The following TBRG4 variants were observed in gnomAD, a reference collection of about 807,000 sequenced individuals.
TBRG4 encodes the protein transforming growth factor beta regulator 4.
TBRG4 carries 43 observed loss-of-function variants against 65.6 expected under a neutral mutation model. The ratio of observed to expected loss-of-function variants is 0.66; its 90% confidence interval spans 0.51 to 0.85. The LOEUF is 0.85. Among genes scored for constraint, TBRG4 ranks in the 40% least tolerant of loss-of-function variants. The pLI, the probability that TBRG4 is intolerant of heterozygous loss-of-function variation, is 0.00. For missense variants in TBRG4, 709 were observed against 787.9 expected (o/e 0.90, Z 1.20); for synonymous variants, 366 against 341.4 (o/e 1.07, Z -0.79).
At chr7:45,106,169 C>T in intron 2 of TBRG4, 1 of 441,760 alleles carries the variant, frequency 2.3e-6, no homozygotes. Flanking sequence ...GAGCCTGATC[C>T]TCTAGGCTAC....
In TBRG4 at chr7:45,102,062, A is replaced by T; in HGVS notation, c.1330T>A (p.Ser444Thr). Reference protein sequence around the residue: ...EFHIQFLGGKSQKDQNTFQKL... With the variant: ...EFHIQFLGGKTQKDQNTFQKL... ...TGGAAGGTGTTCTGATCCTTCTGAG[A>T]CTTGCCCCCTAGGAGACAAGGAGAA... The change falls in exon 8 of 11, where the codon TCT becomes ACT. Residue 444 changes from serine to threonine, a missense_variant. Coordinates refer to ENST00000258770, the MANE Select transcript of TBRG4 (RefSeq NM_004749.4). 2 of 1,569,888 alleles carry T rather than the reference A, an allele frequency of 1.3e-6. No individual in the cohort carries two copies. Among genetic ancestry groups the T allele is most frequent in the Non-Finnish European group, 1.7e-6 (2 of 1,164,992 alleles).
Position 45,104,186 on chromosome 7 carries a change from G to A in TBRG4, c.978C>T (p.Ser326=). The A allele has an allele frequency of 6.2e-7, 1 of 1,614,110 alleles. No homozygotes were observed. The highest frequency in any genetic ancestry group is 8.5e-7 in the Non-Finnish European group (1 of 1,180,044). The change falls in exon 5 of 11, where the codon AGC becomes AGT. Residue 326 remains serine, a synonymous_variant. Coordinates refer to ENST00000258770, the MANE Select transcript of TBRG4 (RefSeq NM_004749.4). Reference sequence around the variant, plus strand: ...AGTGGGCCACCTCACCAGAAGTCAGGCTGGGCATGAGGGATAGCAGGTCGG... The same window carrying A: ...AGTGGGCCACCTCACCAGAAGTCAGACTGGGCATGAGGGATAGCAGGTCGG... ...LATDLLSLMP[S]LTSGEVAHCA...
Position 45,101,855 on chromosome 7 carries a change from C to T in TBRG4, c.1537G>A (p.Glu513Lys), listed in dbSNP as rs1399435831. Residue 513 changes from glutamate to lysine, a missense_variant, in exon 8 of 11, where the codon GAG becomes AAG. Coordinates refer to ENST00000258770, the MANE Select transcript of TBRG4 (RefSeq NM_004749.4). ...ACCCAGCCATACTGCGTGGCCACCT[C>T]GAGGCTGCCCTTGTCGGCGCTCCCC... ...LLGSADKGSL[E>K]VATQYGWVLD... The T allele has an allele frequency of 1.2e-6, 2 of 1,607,926 alleles. No homozygotes were observed. The highest frequency in any genetic ancestry group is 1.7e-6 in the Non-Finnish European group (2 of 1,179,444).
Position 45,102,025 on chromosome 7 carries a change from T to G in TBRG4, c.1367A>C (p.His456Pro). Residue 456 changes from histidine to proline, a missense_variant, in exon 8 of 11, where the codon CAC (histidine) becomes CCC (proline). By Grantham distance (77) the His-to-Pro change is moderately conservative. Transcript: ENST00000258770. Reference sequence around the variant, plus strand: ...CTCCAGCAGGGCAGTGGCGTTGATGTGGAGCAGCTTCTGGAAGGTGTTCTG... The same window carrying G: ...CTCCAGCAGGGCAGTGGCGTTGATGGGGAGCAGCTTCTGGAAGGTGTTCTG... ...KDQNTFQKLL[H>P]INATALLEYP... 6.4e-7 allele frequency: 1 copy of G among 1,565,120 alleles called. No individual in the cohort carries two copies. Among genetic ancestry groups the G allele is most frequent in the Non-Finnish European group, 8.6e-7 (1 of 1,160,782 alleles).
At position 45,101,812 on chromosome 7, in the gene TBRG4, G is replaced by C; in HGVS notation, c.1567+13C>G. 1.9e-6 allele frequency: 3 copies of C among 1,603,198 alleles called. No homozygotes were observed. The highest frequency in any genetic ancestry group is 2.2e-5 in the East Asian group (1 of 44,878). On this transcript the variant is annotated intron_variant, in intron 8 of 10. Transcript: ENST00000258770. ...CAATGCCAGGCCCTGTGCCAACCAG[G>C]GGGAGCCCTCACCCAGCACCCAGCC...
chr7:45,111,657 C>T lies in TBRG4; in HGVS notation c.-65G>A, dbSNP rs543617213. On this transcript the variant is annotated 5_prime_UTR_variant, in exon 1 of 11. Transcript: ENST00000258770. ...ACAAGACCTACGCAGCGAGCACCACCGCTGACCTCCATCCGCCGCCCTAAC... is the reference window on the plus strand; with the variant it reads ...ACAAGACCTACGCAGCGAGCACCACTGCTGACCTCCATCCGCCGCCCTAAC... The T allele has an allele frequency of 2.2e-5, 29 of 1,289,502 alleles. No individual in the cohort carries two copies. The African/African-American group carries it at 3.5e-4, about 15-fold the overall frequency. The allele number at this position is 1,289,502 out of a possible 1,614,324, so 79.9% of individuals were successfully genotyped here.
chr7:45,100,299 C>T lies in TBRG4; in HGVS notation c.*26G>A, dbSNP rs1308750698. On this transcript the variant is annotated 3_prime_UTR_variant, in exon 11 of 11. Coordinates refer to ENST00000258770, the MANE Select transcript of TBRG4 (RefSeq NM_004749.4). ...CACAGCTAGACCTCCGGCGGAGAGG[C>T]ACGCAGTCCATGCTGCTGGCACAAG... The T allele has an allele frequency of 5.6e-6, 9 of 1,602,824 alleles. No individual in the cohort carries two copies. The highest frequency in any genetic ancestry group is 7.7e-6 in the Non-Finnish European group (9 of 1,170,866).
chr7:45,103,219 CAT>C (rs762645594), intron 6 of TBRG4, 112 bp downstream of exon 6: 16 of 803,542 alleles, frequency 2.0e-5, no homozygotes, highest in Non-Finnish European at 3.1e-5. Flanking sequence ...CCATGCCACA[CAT>C]AGTGGCCCCT....
In TBRG4 at chr7:45,104,700, A is replaced by G. The variant is rs1423290653; in HGVS notation, c.745T>C (p.Leu249=). 1 of 1,613,408 alleles carries G rather than the reference A, an allele frequency of 6.2e-7. No homozygotes were observed. The highest frequency in any genetic ancestry group is 1.3e-5 in the African/African-American group (1 of 74,926). The change falls in exon 4 of 11, where the codon TTG becomes CTG. Residue 249 remains leucine (L), a synonymous_variant. Coordinates refer to ENST00000258770, the MANE Select transcript of TBRG4 (RefSeq NM_004749.4). The stretch of plus-strand genomic sequence containing the variant: ...TCATTGGGGCCAAAGTGCTCCACCA[A>G]CTCCAGGCACTGTCAACCACAGCCG... The part of the protein sequence containing the change: ...MNRLEDKCLE[L]VEHFGPNELR...
Position 45,104,240 on chromosome 7 carries a change from G to C in TBRG4, c.924C>G (p.His308Gln). Reference sequence around the variant, plus strand: ...CCAGGCGCTGGGACACCTGGGTCTGGTGAAAGCTGAGTTTGCCTTCAGGAC... The same window carrying C: ...CCAGGCGCTGGGACACCTGGGTCTGCTGAAAGCTGAGTTTGCCTTCAGGAC... ...VAYAYGKLSF[H>Q]QTQVSQRLAT... Residue 308 changes from histidine (H) to glutamine (Q), a missense_variant, in exon 5 of 11, where the codon CAC becomes CAG. His to Gln is a conservative substitution (Grantham distance 24, BLOSUM62 0). Transcript: ENST00000258770. 1 of 1,614,010 alleles carries C rather than the reference G, an allele frequency of 6.2e-7. No homozygotes were observed. Among genetic ancestry groups the C allele is most frequent in the Non-Finnish European group, 8.5e-7 (1 of 1,179,966 alleles).
At position 45,108,931 on chromosome 7, in the gene TBRG4, C is replaced by T; in HGVS notation, c.307G>A (p.Val103Ile). ...HDLDSNQAAM[V>I]LIRLSHLLSE... ...AGCAAGTGAGAGAGCCGGATAAGTACCATTGCTGCTTGATTGCTGTCCAAG... is the reference window on the plus strand; with the variant it reads ...AGCAAGTGAGAGAGCCGGATAAGTATCATTGCTGCTTGATTGCTGTCCAAG... The change falls in exon 2 of 11, where the codon GTA becomes ATA. Residue 103 changes from valine to isoleucine, a missense_variant. Physicochemically the swap from Val to Ile is conservative, Grantham distance 29. Coordinates refer to ENST00000258770, the MANE Select transcript of TBRG4 (RefSeq NM_004749.4). The T allele has an allele frequency of 6.2e-7, 1 of 1,612,042 alleles. No homozygotes were observed. Among genetic ancestry groups the T allele is most frequent in the East Asian group, 2.2e-5 (1 of 44,892 alleles).
In TBRG4 at chr7:45,109,246, G is replaced by A. The variant is rs372545109; in HGVS notation, c.-9C>T. 6.4e-7 allele frequency: 1 copy of A among 1,564,352 alleles called. No homozygotes were observed. Among genetic ancestry groups the A allele is most frequent in the Non-Finnish European group, 8.6e-7 (1 of 1,157,050 alleles). Reference sequence around the variant, plus strand: ...ACCAGGTGAGCTGCCATGATGTCCTGGGTGGCAGAGAGACAAGACTCCTAG... The same window carrying A: ...ACCAGGTGAGCTGCCATGATGTCCTAGGTGGCAGAGAGACAAGACTCCTAG... On this transcript the variant is annotated 5_prime_UTR_variant, in exon 2 of 11. Coordinates refer to ENST00000258770, the MANE Select transcript of TBRG4 (RefSeq NM_004749.4).
chr7:45,107,793 G>A (rs1785006606), intron 2 of TBRG4: 1 of 154,066 alleles, frequency 6.5e-6, no homozygotes, highest in Non-Finnish European at 1.5e-5. Context: ...AATCACATGT[G>A]AGTAAAAAGA....
chr7:45,111,588 T>C, intron 1 of TBRG4, 55 bp downstream of exon 1: 1 of 1,289,022 alleles, frequency 7.8e-7, no homozygotes, highest in Non-Finnish European at 1.0e-6. Flanking sequence ...ACGCCTGTGT[T>C]GTGCACTCGA....
At chr7:45,100,576 G>A (rs981680207) in intron 10 of TBRG4, 150 bp from the exon 11 acceptor site, 1 of 652,786 alleles carries the variant, frequency 1.5e-6, no homozygotes, top group Non-Finnish European at 2.7e-6. Flanking sequence ...TGGCCTCCAA[G>A]TCTTCAAGGC....
chr7:45,104,902 G>A, intron 3 of TBRG4, 193 bp from the exon 4 acceptor site: 1 of 933,380 alleles, frequency 1.1e-6, no homozygotes, highest in Non-Finnish European at 1.7e-6. Context: ...CCCTGGACCT[G>A]GAGCACTGTC....
chr7:45,111,530 G>A (rs1785125432), intron 1 of TBRG4, 113 bp downstream of exon 1: 1 of 1,208,276 alleles, frequency 8.3e-7, no homozygotes, highest in South Asian at 1.3e-5. Flanking sequence ...ATCCCACCGC[G>A]TCCCAGCCTG....
At chr7:45,102,984 G>A (rs914069323) in intron 6 of TBRG4, 1 of 361,172 alleles carries the variant, frequency 2.8e-6, no homozygotes, top group Non-Finnish European at 5.2e-6. Context: ...TGGCCTCTGT[G>A]GCTGTCCTAA....
chr7:45,103,893 G>C, intron 5 of TBRG4: 1 of 712,074 alleles, frequency 1.4e-6, no homozygotes, highest in Admixed American at 3.1e-5. Flanking sequence ...ATAATGGTCA[G>C]TGAAAGAACA....
Sources: gnomAD v4.1 joint callset for allele counts on GRCh38, gnomAD v4.1.1 for gene constraint, MANE v1.5 for transcripts, NCBI Gene and HGNC (gene_info 2026-07-23, HGNC 2026-07-21) for gene names.